The following KLF12 variants were observed in gnomAD, a reference collection of about 807,000 sequenced individuals.
KLF12 encodes Krueppel-like factor 12.
A neutral mutation model predicts 37.8 loss-of-function variants in KLF12; 9 were observed. That is an observed-to-expected ratio of 0.24 (90% CI 0.14 to 0.42). The LOEUF (loss-of-function observed/expected upper bound fraction) is 0.42. KLF12 is among the 10% of genes least tolerant of loss of function. The probability of loss-of-function intolerance (pLI) is 1.00; values close to 1 mark genes in which losing one functional copy is unlikely to be tolerated. For synonymous variants in KLF12, 208 were observed against 202.1 expected (o/e 1.03, Z -0.25); for missense variants, 411 against 516.0 (o/e 0.80, Z 1.97).
At chr13:74,217,561 T>C in the KLF12 span, among the ~76,000 whole-genome samples, 4 of 152,206 alleles carry the variant, frequency 2.6e-5, no homozygotes, top group Middle Eastern at 3.4e-3. Context: ...AGCCCATCTC[T>C]ACTAAAAATA....
At chr13:74,174,716 C>T in the KLF12 span, among the ~76,000 whole-genome samples, 3 of 152,156 alleles carry the variant, frequency 2.0e-5, no homozygotes, top group Non-Finnish European at 2.9e-5. Context: ...TTTCCAGCCA[C>T]GTCTCTCAGT....
intron 3 of KLF12, among the ~76,000 whole-genome samples, chr13:73,939,915 C>CCT (rs1890114654): frequency 6.6e-6 from 1 of 152,164 alleles, no homozygotes; most frequent in African/African-American, 2.4e-5. Flanking sequence ...ACCCCTTGCT[C>CCT]CTCACCAGGA....
At chr13:73,707,434 T>G (rs1270403028) in intron 7 of KLF12, among the ~76,000 whole-genome samples, 2 of 152,340 alleles carry the variant, frequency 1.3e-5, no homozygotes, top group East Asian at 3.9e-4. Flanking sequence ...TTATATTTTC[T>G]AATGTCTCAG....
chr13:73,786,195 G>A (rs1881332688), intron 5 of KLF12, among the ~76,000 whole-genome samples: 1 of 152,184 alleles, frequency 6.6e-6, no homozygotes, highest in Admixed American at 6.5e-5. Context: ...AGTGGCAGAG[G>A]TGTTTTGCTA....
intron 6 of KLF12, among the ~76,000 whole-genome samples, chr13:73,732,812 T>G (rs1877168614): frequency 6.6e-6 from 1 of 152,092 alleles, no homozygotes; most frequent in South Asian, 2.1e-4. Flanking sequence ...TCCACTTGTG[T>G]GTCAAGCAGA....
At chr13:74,057,780 A>C (rs1342741221) in intron 1 of KLF12, among the ~76,000 whole-genome samples, 2 of 152,134 alleles carry the variant, frequency 1.3e-5, no homozygotes, top group Non-Finnish European at 2.9e-5. Context: ...TGTTATACAT[A>C]AGGGAAATGA....
At chr13:74,153,617 A>G in the KLF12 span, among the ~76,000 whole-genome samples, 1 of 152,216 alleles carries the variant, frequency 6.6e-6, no homozygotes, top group Non-Finnish European at 1.5e-5. Flanking sequence ...ACTCATATTA[A>G]GAATCTCAAA....
the KLF12 span, among the ~76,000 whole-genome samples, chr13:74,298,142 C>T: frequency 6.6e-6 from 1 of 152,156 alleles, no homozygotes; most frequent in Non-Finnish European, 1.5e-5. Flanking sequence ...TAATGTGAAG[C>T]CCTGGTTTTA....
At chr13:73,918,110 T>C (rs1057378404) in intron 3 of KLF12, among the ~76,000 whole-genome samples, 2 of 151,700 alleles carry the variant, frequency 1.3e-5, no homozygotes, top group African/African-American at 4.8e-5. Flanking sequence ...CACACACACA[T>C]ATCTATGTAT....
At chr13:73,890,076 C>T (rs947447161) in intron 3 of KLF12, among the ~76,000 whole-genome samples, 1 of 152,042 alleles carries the variant, frequency 6.6e-6, no homozygotes. Flanking sequence ...CACACAAGAA[C>T]ACCGTCTTTA....
intron 1 of KLF12, among the ~76,000 whole-genome samples, chr13:74,041,691 TACACACACACAC>T (rs59315484): frequency 3.3e-4 from 47 of 142,374 alleles, no homozygotes; most frequent in Admixed American, 9.8e-4. Context: ...ATCGCTGATT[TACACACACACAC>T]ACACACACAC....
At chr13:74,048,074 G>A (rs563183653) in intron 1 of KLF12, among the ~76,000 whole-genome samples, 8 of 152,252 alleles carry the variant, frequency 5.3e-5, no homozygotes, top group African/African-American at 1.4e-4. Flanking sequence ...TGAGACAGAC[G>A]TCCAGCTGTC....
At chr13:74,225,305 A>G in the KLF12 span, among the ~76,000 whole-genome samples, 2 of 152,214 alleles carry the variant, frequency 1.3e-5, no homozygotes, top group African/African-American at 2.4e-5. Context: ...CAATTTCCCT[A>G]ATTTCTCTTT....
At chr13:74,025,358 T>C (rs1014729811) in intron 1 of KLF12, among the ~76,000 whole-genome samples, 1 of 152,074 alleles carries the variant, frequency 6.6e-6, no homozygotes, top group East Asian at 1.9e-4. Context: ...GGAAGTGCCT[T>C]TATGCAAATG....
chr13:74,193,561 CTG>C, the KLF12 span, among the ~76,000 whole-genome samples: 5 of 152,332 alleles, frequency 3.3e-5, no homozygotes, highest in African/African-American at 1.2e-4. Context: ...GCCTGAGATT[CTG>C]TGTGTTTAAG....
At chr13:73,777,943 C>A (rs1304530256) in intron 5 of KLF12, among the ~76,000 whole-genome samples, 1 of 151,656 alleles carries the variant, frequency 6.6e-6, no homozygotes, top group Non-Finnish European at 1.5e-5. Context: ...ACCAGCCTGG[C>A]CAACATGGTG....
At chr13:73,976,639 AT>A (rs1013361911) in intron 2 of KLF12, among the ~76,000 whole-genome samples, 1 of 152,112 alleles carries the variant, frequency 6.6e-6, no homozygotes, top group African/African-American at 2.4e-5. Flanking sequence ...CCTGCTTATA[AT>A]TTTTTAACGA....
intron 2 of KLF12, among the ~76,000 whole-genome samples, chr13:73,946,820 A>G (rs1890443932): frequency 1.3e-5 from 2 of 152,230 alleles, no homozygotes; most frequent in Non-Finnish European, 1.5e-5. Flanking sequence ...TCACGGATCT[A>G]ACCTCAATCC....
chr13:74,245,421 A>G, the KLF12 span, among the ~76,000 whole-genome samples: 1 of 152,200 alleles, frequency 6.6e-6, no homozygotes, highest in Non-Finnish European at 1.5e-5. Flanking sequence ...GGAAAGTAAT[A>G]TAGGATCAGA....
Sources: allele counts gnomAD v4.1 joint callset (sites outside exome capture counted in the v4.1 genomes callset), GRCh38; gene constraint gnomAD v4.1.1; transcripts MANE v1.5; gene names NCBI Gene and HGNC (gene_info 2026-07-23, HGNC 2026-07-21).